RBKS: variants seen among roughly 807,000 people sequenced by gnomAD.
The protein encoded by RBKS is ribokinase.
A neutral mutation model predicts 33.9 loss-of-function variants in RBKS; 33 were observed. That is an observed-to-expected ratio of 0.97 (90% CI 0.74 to 1.30). The LOEUF (loss-of-function observed/expected upper bound fraction) is 1.30. RBKS is among the 50% of genes most tolerant of loss of function. The probability of loss-of-function intolerance (pLI) is 0.00; values close to 1 mark genes in which losing one functional copy is unlikely to be tolerated. For synonymous variants in RBKS, 125 were observed against 143.0 expected (o/e 0.87, Z 0.90); for missense variants, 361 against 392.6 (o/e 0.92, Z 0.68).
At chr2:27,862,202 G>A (rs1276031310) in intron 1 of RBKS, among the ~76,000 whole-genome samples, 3 of 151,498 alleles carry the variant, frequency 2.0e-5, no homozygotes, top group South Asian at 2.1e-4. Context: ...CTCCTGCCTC[G>A]GCCTCCCAAA....
chr2:27,840,354 A>G lies in RBKS; in HGVS notation c.514+2713T>C, dbSNP rs866981049. Among the ~76,000 whole-genome samples the G allele has an allele frequency of 9.7e-3, 1,050 of 108,382 alleles. 7 individuals carry two copies. Among genetic ancestry groups the G allele is most frequent in the Admixed American group, 0.011 (130 of 11,362 alleles). 71.1% of individuals were successfully genotyped at this position (108,382 alleles called of 152,430 possible). On this transcript the variant is annotated intron_variant, in intron 5 of 7. Transcript: ENST00000302188. The stretch of plus-strand genomic sequence containing the variant: ...CACACACACACACACACACACACAC[A>G]CGCGCGCGCGCACACACACACACAC...
At chr2:27,876,942 AC>A (rs937653762) in intron 1 of RBKS, among the ~76,000 whole-genome samples, 2 of 152,170 alleles carry the variant, frequency 1.3e-5, no homozygotes, top group Non-Finnish European at 2.9e-5. Flanking sequence ...CCTTACTAGC[AC>A]TTTTGAACAC....
chr2:27,787,435 CAAACAAATA>C (rs1452970699), intron 7 of RBKS, among the ~76,000 whole-genome samples: 1 of 152,078 alleles, frequency 6.6e-6, no homozygotes, highest in Non-Finnish European at 1.5e-5. Context: ...CCTGTCCAAA[CAAACAAATA>C]AAACAAATAA....
At chr2:27,851,138 C>A (rs1663737966) in intron 2 of RBKS, among the ~76,000 whole-genome samples, 1 of 152,190 alleles carries the variant, frequency 6.6e-6, no homozygotes, top group Non-Finnish European at 1.5e-5. Flanking sequence ...TTCAGTCACT[C>A]CTGGTGTGTT....
chr2:27,789,941 G>GTGTATATATATATATATATA (rs1558533050), intron 7 of RBKS, among the ~76,000 whole-genome samples: 3 of 96,526 alleles, frequency 3.1e-5, no homozygotes, highest in East Asian at 3.6e-4. Flanking sequence ...ATATATATAT[G>GTGTATATATATATATATATA]TATATGTGTA....
chr2:27,863,475 G>A (rs1177099868), intron 1 of RBKS, among the ~76,000 whole-genome samples: 1 of 152,240 alleles, frequency 6.6e-6, no homozygotes, highest in East Asian at 1.9e-4. Flanking sequence ...ACTGACAGGT[G>A]TTACCAGAAC....
At chr2:27,783,378 C>T (rs561153653) in intron 7 of RBKS, among the ~76,000 whole-genome samples, 10 of 152,158 alleles carry the variant, frequency 6.6e-5, no homozygotes, top group Non-Finnish European at 8.8e-5. Context: ...TAAAAATGCA[C>T]GCAGAAAGAG....
chr2:27,789,400 C>CTTTTT (rs569506674), intron 7 of RBKS, among the ~76,000 whole-genome samples: 1 of 130,278 alleles, frequency 7.7e-6, no homozygotes, highest in African/African-American at 2.9e-5. Flanking sequence ...GATTTTGAAG[C>CTTTTT]TTTTTTTTTT....
intron 1 of RBKS, 27 bp from the exon 2 acceptor site, chr2:27,858,598 A>G: frequency 6.2e-7 from 1 of 1,603,050 alleles, no homozygotes; most frequent in Non-Finnish European, 8.5e-7. Flanking sequence ...AGAGAAGAAA[A>G]AAGCATATTG....
intron 2 of RBKS, among the ~76,000 whole-genome samples, chr2:27,857,686 T>C (rs899881013): frequency 1.3e-5 from 2 of 152,150 alleles, no homozygotes; most frequent in East Asian, 1.9e-4. Flanking sequence ...CAGAAACCCA[T>C]TGGAGTACGC....
rs1678537336 is a variant in RBKS at position 27,837,012 on chromosome 2, C to G, written c.515-4235G>C. On this transcript the variant is annotated intron_variant, in intron 5 of 7. Coordinates refer to ENST00000302188, the MANE Select transcript of RBKS (RefSeq NM_022128.3). The surrounding 1 kb of genome is among the most constrained non-coding windows in gnomAD (Gnocchi z 4.0). Reference sequence around the variant, plus strand: ...CAAGGGCCAGCCGAGGTGGCTCACACCTGTAATCCCAGCACTTTGGGCGGC... The same window carrying G: ...CAAGGGCCAGCCGAGGTGGCTCACAGCTGTAATCCCAGCACTTTGGGCGGC... 6.6e-6 allele frequency among the ~76,000 whole-genome samples: 1 copy of G among 152,142 alleles called. No homozygotes were observed. The highest frequency in any genetic ancestry group is 2.1e-4 in the South Asian group (1 of 4,836).
chr2:27,890,377 G>A lies in RBKS; in HGVS notation c.-32C>T. ...AAGGTGCTGCTGTCCAACCTGGACG[G>A]TGACCTCTGCCCTTTGCCCGACCCC... On this transcript the variant is annotated 5_prime_UTR_variant, in exon 1 of 8. Coordinates refer to ENST00000302188, the MANE Select transcript of RBKS (RefSeq NM_022128.3). This position sits in a 1 kb window ranked among gnomAD's most constrained non-coding sequence, Gnocchi z 4.8. 1 of 1,598,732 alleles carries A rather than the reference G, an allele frequency of 6.3e-7. No homozygotes were observed. The highest frequency in any genetic ancestry group is 1.3e-5 in the African/African-American group (1 of 74,596).
At chr2:27,861,987 G>C (rs1663999321) in intron 1 of RBKS, among the ~76,000 whole-genome samples, 1 of 137,688 alleles carries the variant, frequency 7.3e-6, no homozygotes, top group African/African-American at 2.8e-5. Flanking sequence ...AGTCTGCTCA[G>C]TTGCTGAGGC....
intron 1 of RBKS, among the ~76,000 whole-genome samples, chr2:27,873,933 A>G (rs1253713192): frequency 1.3e-5 from 2 of 152,210 alleles, no homozygotes; most frequent in Non-Finnish European, 2.9e-5. Flanking sequence ...ATACAAACAG[A>G]GATAATTTAT....
chr2:27,810,666 G>GC lies in RBKS; in HGVS notation c.795+16900dup, dbSNP rs1353188102. On this transcript the variant is annotated intron_variant, in intron 7 of 7. Transcript: ENST00000302188. This position sits in a 1 kb window ranked among gnomAD's most constrained non-coding sequence, Gnocchi z 4.4. Reference sequence around the variant, plus strand: ...CTATGAAATAACCATCTTAGTTATCGCCCCACTGCCCCCACTTTTTTTAAG... The same window carrying GC: ...CTATGAAATAACCATCTTAGTTATCGCCCCCACTGCCCCCACTTTTTTTAAG... Among the ~76,000 whole-genome samples, 2 of 151,744 alleles carry GC rather than the reference G, an allele frequency of 1.3e-5. No homozygotes were observed. The highest frequency in any genetic ancestry group is 2.4e-5 in the African/African-American group (1 of 41,266).
intron 5 of RBKS, among the ~76,000 whole-genome samples, chr2:27,838,908 G>C (rs981277880): frequency 2.0e-5 from 3 of 152,196 alleles, no homozygotes; most frequent in Admixed American, 6.5e-5. Flanking sequence ...ATAAGGAACT[G>C]GTGAGGCCTG....
At chr2:27,831,725 C>T (rs1230968179) in intron 6 of RBKS, among the ~76,000 whole-genome samples, 2 of 151,970 alleles carry the variant, frequency 1.3e-5, no homozygotes, top group Non-Finnish European at 2.9e-5. Flanking sequence ...CCCAGGAGTT[C>T]GAGATTAGCC....
At chr2:27,796,282 T>C (rs577607477) in intron 7 of RBKS, among the ~76,000 whole-genome samples, 7 of 152,302 alleles carry the variant, frequency 4.6e-5, no homozygotes, top group Non-Finnish European at 8.8e-5. Context: ...ATCACTGTGA[T>C]TTTCCTGTAA....
At chr2:27,826,802 C>T (rs1678321574) in intron 7 of RBKS, among the ~76,000 whole-genome samples, 1 of 152,146 alleles carries the variant, frequency 6.6e-6, no homozygotes. Flanking sequence ...TTCATTCCTA[C>T]TCTGTAGCCA....
Sources: gnomAD v4.1 joint callset for allele counts (sites outside exome capture counted in the v4.1 genomes callset) on GRCh38, gnomAD v4.1.1 for gene constraint, Gnocchi (gnomAD v3.1) non-coding constraint, MANE v1.5 for transcripts, NCBI Gene and HGNC (gene_info 2026-07-23, HGNC 2026-07-21) for gene names.